Variants in NMNAT3 observed in about 807,000 individuals in gnomAD.
NMNAT3 encodes nicotinamide nucleotide adenylyltransferase 3, also known as nicotinamide/nicotinic acid mononucleotide adenylyltransferase 3.
NMNAT3 carries 21 observed loss-of-function variants against 24.8 expected under a neutral mutation model. The ratio of observed to expected loss-of-function variants is 0.85; its 90% CI spans 0.60 to 1.22. The LOEUF is 1.22. NMNAT3 is among the 50% of genes most tolerant of loss of function. The pLI is 0.00. For synonymous variants in NMNAT3, 136 were observed against 155.2 expected (o/e 0.88, Z 0.92); for missense variants, 387 against 436.6 (o/e 0.89, Z 1.01).
At chr3:139,569,575 A>AGG (rs1163847636) in intron 6 of NMNAT3, 1 of 152,094 alleles carries the variant, frequency 6.6e-6, no homozygotes, top group Non-Finnish European at 1.5e-5. Context: ...TTGTCTGTAA[A>AGG]GGGTTTTATT....
intron 3 of NMNAT3, among the ~76,000 whole-genome samples, chr3:139,584,812 G>C (rs1217314744): frequency 6.6e-6 from 1 of 152,116 alleles, no homozygotes; most frequent in African/African-American, 2.4e-5. Flanking sequence ...GTAATGTTCT[G>C]TCCATTCAGT....
intron 2 of NMNAT3, among the ~76,000 whole-genome samples, chr3:139,632,712 G>C (rs1299331858): frequency 6.6e-6 from 1 of 152,178 alleles, no homozygotes; most frequent in East Asian, 1.9e-4. Context: ...GTCATCTATG[G>C]GAAGGACAAT....
chr3:139,677,270 C>G (rs531488987), intron 1 of NMNAT3, among the ~76,000 whole-genome samples: 97 of 152,206 alleles, frequency 6.4e-4, no homozygotes, highest in Admixed American at 1.0e-3. Flanking sequence ...CGGTCTCCCC[C>G]CACTGGACTG....
intron 1 of NMNAT3, among the ~76,000 whole-genome samples, chr3:139,657,014 A>G (rs1340731723): frequency 6.6e-6 from 1 of 152,198 alleles, no homozygotes; most frequent in African/African-American, 2.4e-5. Context: ...TTTATCTTTA[A>G]TATTTGCAGA....
At chr3:139,585,541 G>C (rs6789560) in intron 3 of NMNAT3, among the ~76,000 whole-genome samples, 36,523 of 152,020 alleles carry the variant, frequency 0.24, 4,568 homozygotes, top group Admixed American at 0.36. Context: ...ATGTTTTCTG[G>C]TGAATGCTCC....
intron 1 of NMNAT3, among the ~76,000 whole-genome samples, chr3:139,675,727 G>A (rs1000716106): frequency 2.0e-5 from 3 of 152,102 alleles, no homozygotes; most frequent in Non-Finnish European, 4.4e-5. Context: ...ACTAAGGAAC[G>A]ATATCAATAG....
chr3:139,569,166 C>T (rs1366679050), intron 6 of NMNAT3: 5 of 72,144 alleles, frequency 6.9e-5, no homozygotes, highest in African/African-American at 1.8e-4. Context: ...GATTGCAACC[C>T]CTGCCTTTTT....
chr3:139,567,736 G>A (rs933967061), intron 6 of NMNAT3: 2 of 152,172 alleles, frequency 1.3e-5, no homozygotes, highest in South Asian at 2.1e-4. Context: ...TGCTGGATTC[G>A]GTTTGCCAGT....
intron 3 of NMNAT3, among the ~76,000 whole-genome samples, chr3:139,596,259 G>A (rs919191971): frequency 6.6e-6 from 1 of 152,112 alleles, no homozygotes; most frequent in African/African-American, 2.4e-5. Context: ...CAACATTTAG[G>A]CCTACCATAA....
chr3:139,616,738 C>T (rs1302076003), intron 3 of NMNAT3, among the ~76,000 whole-genome samples: 1 of 152,188 alleles, frequency 6.6e-6, no homozygotes, highest in Non-Finnish European at 1.5e-5. Flanking sequence ...TCAACTCCCT[C>T]TGAACTGGTT....
intron 5 of NMNAT3, among the ~76,000 whole-genome samples, chr3:139,577,329 A>G (rs1939478519): frequency 6.6e-6 from 1 of 152,320 alleles, no homozygotes; most frequent in East Asian, 1.9e-4. Context: ...AGTACCTACC[A>G]TAAACCAGGT....
At position 139,568,338 on chromosome 3, in the gene NMNAT3, T is replaced by C. The variant is rs574508797; in HGVS notation, c.658+5260A>G. Reference sequence around the variant, plus strand: ...TTGAAGGGTGTTTTTGTGTCTCTATTTCCTTCAGTTCTGCTCTGATTTTAG... The same window carrying C: ...TTGAAGGGTGTTTTTGTGTCTCTATCTCCTTCAGTTCTGCTCTGATTTTAG... On this transcript the variant is annotated intron_variant, in intron 6 of 6. Transcript: ENST00000643695. 5.9e-5 allele frequency: 9 copies of C among 152,316 alleles called. No individual in the cohort carries two copies. In the South Asian group the frequency reaches 1.7e-3, roughly 28 times the overall value. The allele number at this position is 152,316 out of a possible 1,614,324, so 9.4% of individuals were successfully genotyped here.
intron 6 of NMNAT3, chr3:139,570,005 C>T (rs1267286387): frequency 5.3e-5 from 8 of 152,330 alleles, no homozygotes. Flanking sequence ...TTGGTCTTTT[C>T]ATATAGTCCC....
chr3:139,567,153 G>C (rs1259551402), intron 6 of NMNAT3: 9 of 151,608 alleles, frequency 5.9e-5, no homozygotes, highest in Admixed American at 4.6e-4. Context: ...CTCACGATTT[G>C]GCTGTTTGTC....
intron 4 of NMNAT3, among the ~76,000 whole-genome samples, chr3:139,580,099 T>C (rs558376017): frequency 6.6e-6 from 1 of 152,320 alleles, no homozygotes; most frequent in South Asian, 2.1e-4. Context: ...GGTATCAAGG[T>C]TGTGCTAGCC....
chr3:139,560,277 A>C lies in NMNAT3; in HGVS notation c.*733T>G, dbSNP rs1276490380. On this transcript the variant is annotated 3_prime_UTR_variant, in exon 7 of 7. Coordinates refer to ENST00000643695, the MANE Select transcript of NMNAT3 (RefSeq NM_001320510.2). ...TAAAACATTAAAAAAGATCCTTTAA[A>C]ACGGTCAGGCATCTGTTTTACCTCA... 1 of 152,762 alleles carries C rather than the reference A, an allele frequency of 6.5e-6. No individual in the cohort carries two copies. The highest frequency in any genetic ancestry group is 1.9e-4 in the East Asian group (1 of 5,194). 9.5% of individuals were successfully genotyped at this position (152,762 alleles called of 1,614,324 possible).
intron 2 of NMNAT3, among the ~76,000 whole-genome samples, chr3:139,631,915 C>T (rs2056315515): frequency 6.6e-6 from 1 of 152,178 alleles, no homozygotes; most frequent in South Asian, 2.1e-4. Context: ...TGTTGCTCTT[C>T]TCCAAGTGGA....
At chr3:139,616,178 A>G (rs2055493217) in intron 3 of NMNAT3, among the ~76,000 whole-genome samples, 1 of 152,100 alleles carries the variant, frequency 6.6e-6, no homozygotes, top group Non-Finnish European at 1.5e-5. Context: ...TATCACCAAC[A>G]AAGCCATTCT....
chr3:139,586,176 G>T (rs971655560), intron 3 of NMNAT3, among the ~76,000 whole-genome samples: 3 of 152,170 alleles, frequency 2.0e-5, no homozygotes, highest in Non-Finnish European at 1.5e-5. Context: ...CTAATGATGA[G>T]AACTCATGAT....
Sources: allele counts gnomAD v4.1 joint callset (sites outside exome capture counted in the v4.1 genomes callset), GRCh38; gene constraint gnomAD v4.1.1; transcripts MANE v1.5; gene names NCBI Gene and HGNC (gene_info 2026-07-23, HGNC 2026-07-21).